UBE2D1: variants seen among roughly 807,000 people sequenced by gnomAD.
UBE2D1 encodes the protein ubiquitin-conjugating enzyme E2 D1.
A neutral mutation model predicts 24.6 loss-of-function variants in UBE2D1; 9 were observed. The ratio of observed to expected loss-of-function variants is 0.37; its 90% CI spans 0.22 to 0.64. The LOEUF (loss-of-function observed/expected upper bound fraction) is 0.64, where lower values mean the gene tolerates loss of function less well. Among genes scored for constraint, UBE2D1 ranks in the 30% least tolerant of loss-of-function variants. The probability of loss-of-function intolerance (pLI) is 0.64; values close to 1 mark genes in which losing one functional copy is unlikely to be tolerated. For missense variants in UBE2D1, 87 were observed against 177.1 expected, an observed-to-expected ratio of 0.49 and a Z score of 2.89; for synonymous variants, 57 against 57.6, an observed-to-expected ratio of 0.99 and a Z score of 0.04.
intron 1 of UBE2D1, among the ~76,000 whole-genome samples, chr10:58,359,718 T>G (rs1840173895): frequency 1.3e-5 from 2 of 152,220 alleles, no homozygotes; most frequent in South Asian, 4.1e-4. Context: ...TATGTCACCT[T>G]AACTATTCAC....
intron 1 of UBE2D1, among the ~76,000 whole-genome samples, chr10:58,335,796 G>C (rs938198223): frequency 1.3e-5 from 2 of 152,164 alleles, no homozygotes; most frequent in Non-Finnish European, 2.9e-5. Flanking sequence ...TCAGGAGAAG[G>C]CTCCTGCCCC....
Position 58,349,554 on chromosome 10 carries a change from T to G in UBE2D1, c.25-11784T>G, listed in dbSNP as rs1449163823. 2.0e-5 allele frequency among the ~76,000 whole-genome samples: 3 copies of G among 152,248 alleles called. No homozygotes were observed. In the East Asian group the frequency reaches 5.8e-4, roughly 29 times the overall value. On this transcript the variant is annotated intron_variant, in intron 1 of 6. Transcript: ENST00000373910. ...TTCATATACAGATTTATTACTAGTCTTATTATTTGATAGCCATCTTTTCCA... is the reference window on the plus strand; with the variant it reads ...TTCATATACAGATTTATTACTAGTCGTATTATTTGATAGCCATCTTTTCCA...
intron 1 of UBE2D1, among the ~76,000 whole-genome samples, chr10:58,347,659 T>G (rs34007991): frequency 2.0e-5 from 3 of 149,328 alleles, no homozygotes; most frequent in African/African-American, 7.4e-5. Context: ...TTTTTTTTTT[T>G]GCCCCGAGAC....
chr10:58,346,685 C>G (rs1016398337), intron 1 of UBE2D1, among the ~76,000 whole-genome samples: 2 of 152,068 alleles, frequency 1.3e-5, no homozygotes, highest in African/African-American at 2.4e-5. Context: ...GAAGTCACGT[C>G]TTGGAAGGTC....
Position 58,367,337 on chromosome 10 carries a change from G to A in UBE2D1, c.305-586G>A, listed in dbSNP as rs531825408. Among the ~76,000 whole-genome samples, 207 of 152,020 alleles carry A rather than the reference G, an allele frequency of 1.4e-3. 2 individuals carry two copies. The highest frequency in any genetic ancestry group is 4.8e-3 in the African/African-American group (200 of 41,464). ...TGTGTGTGTGTTAGTGTAGCTATTT[G>A]CATTAGAATTTTGACATACTGGAGT... On this transcript the variant is annotated intron_variant, in intron 5 of 6. Transcript: ENST00000373910.
chr10:58,362,450 A>G (rs181471146), intron 3 of UBE2D1, among the ~76,000 whole-genome samples: 2 of 152,344 alleles, frequency 1.3e-5, no homozygotes, highest in African/African-American at 2.4e-5. Flanking sequence ...ATGTATTTAT[A>G]TAACAACTTT....
chr10:58,355,968 G>T (rs1840126942), intron 1 of UBE2D1, among the ~76,000 whole-genome samples: 1 of 151,870 alleles, frequency 6.6e-6, no homozygotes, highest in South Asian at 2.1e-4. Flanking sequence ...CAGTACCTCA[G>T]TCTTTCTTTC....
intron 1 of UBE2D1, among the ~76,000 whole-genome samples, chr10:58,357,579 T>C (rs1840146171): frequency 6.6e-6 from 1 of 152,182 alleles, no homozygotes; most frequent in African/African-American, 2.4e-5. Context: ...CATTTTTCTT[T>C]TTTCAAATTT....
At chr10:58,355,506 A>C (rs1271741797) in intron 1 of UBE2D1, among the ~76,000 whole-genome samples, 1 of 152,202 alleles carries the variant, frequency 6.6e-6, no homozygotes, top group African/African-American at 2.4e-5. Flanking sequence ...AATATAGTAC[A>C]TCTGATTAAA....
intron 1 of UBE2D1, among the ~76,000 whole-genome samples, chr10:58,342,767 G>C (rs528314696): frequency 4.6e-5 from 7 of 150,826 alleles, no homozygotes; most frequent in African/African-American, 1.7e-4. Flanking sequence ...TATGGTCAGA[G>C]AACAAATTCT....
chr10:58,338,316 A>G (rs547923378), intron 1 of UBE2D1, among the ~76,000 whole-genome samples: 1 of 152,370 alleles, frequency 6.6e-6, no homozygotes, highest in South Asian at 2.1e-4. Context: ...AACTAACTAT[A>G]CTAGAATATA....
At position 58,361,531 on chromosome 10, in the gene UBE2D1, G is replaced by A; in HGVS notation, c.120+5G>A. On this transcript the variant is annotated splice_donor_5th_base_variant and intron_variant, in intron 3 of 6. Coordinates refer to ENST00000373910, the MANE Select transcript of UBE2D1 (RefSeq NM_003338.5). ...CAAGCCACTATTATGGGGCCTGTAAGTATGATTCATATCTATGAAATTAAC... is the reference window on the plus strand; with the variant it reads ...CAAGCCACTATTATGGGGCCTGTAAATATGATTCATATCTATGAAATTAAC... The A allele has an allele frequency of 6.2e-7, 1 of 1,614,012 alleles. No homozygotes were observed. The highest frequency in any genetic ancestry group is 8.5e-7 in the Non-Finnish European group (1 of 1,180,002).
chr10:58,355,586 T>C (rs1478906988), intron 1 of UBE2D1, among the ~76,000 whole-genome samples: 1 of 152,222 alleles, frequency 6.6e-6, no homozygotes, highest in East Asian at 1.9e-4. Flanking sequence ...GGTTGGCTTA[T>C]GTCCCATTAA....
chr10:58,337,428 G>A lies in UBE2D1; in HGVS notation c.24+2203G>A, dbSNP rs144367615. On this transcript the variant is annotated intron_variant, in intron 1 of 6. Coordinates refer to ENST00000373910, the MANE Select transcript of UBE2D1 (RefSeq NM_003338.5). ...TTCTAGGTTAGATGTGCCGCCTGCC[G>A]TATGAACAGTTACACCATCTTCTTT... Among the ~76,000 whole-genome samples, 58 of 152,172 alleles carry A rather than the reference G, an allele frequency of 3.8e-4. No homozygotes were observed. The East Asian group carries it at 9.1e-3, about 24-fold the overall frequency.
chr10:58,350,920 C>A (rs376435604), intron 1 of UBE2D1, among the ~76,000 whole-genome samples: 89 of 152,290 alleles, frequency 5.8e-4, no homozygotes, highest in African/African-American at 2.1e-3. Flanking sequence ...GAAACCTATA[C>A]AGCATGTTAC....
chr10:58,341,953 A>G (rs1411510205), intron 1 of UBE2D1, among the ~76,000 whole-genome samples: 1 of 152,166 alleles, frequency 6.6e-6, no homozygotes, highest in East Asian at 1.9e-4. Flanking sequence ...CCATATTTGC[A>G]GTTTGGGAAT....
chr10:58,339,896 T>C (rs190772442), intron 1 of UBE2D1, among the ~76,000 whole-genome samples: 1 of 152,292 alleles, frequency 6.6e-6, no homozygotes, highest in East Asian at 1.9e-4. Context: ...GATCCTTCTC[T>C]TCCACTTCTT....
At chr10:58,349,882 G>A (rs183068263) in intron 1 of UBE2D1, among the ~76,000 whole-genome samples, 15 of 152,188 alleles carry the variant, frequency 9.9e-5, no homozygotes, top group Admixed American at 4.6e-4. Flanking sequence ...GTTTTTGAAC[G>A]TTATTTAAGG....
chr10:58,335,277 G>A lies in UBE2D1; in HGVS notation c.24+52G>A, dbSNP rs550880264. ...TGCGGGGCAGCGGCCCCCTGCCCAC[G>A]CTGACTCGGCCAGTGGTCCCGAGAG... On this transcript the variant is annotated intron_variant, in intron 1 of 6. Transcript: ENST00000373910. 1.4e-4 allele frequency: 213 copies of A among 1,484,020 alleles called. 1 individual carries two copies. Among genetic ancestry groups the A allele is most frequent in the Non-Finnish European group, 1.9e-4 (208 of 1,119,172 alleles). The allele number at this position is 1,484,020 out of a possible 1,614,324, so 91.9% of individuals were successfully genotyped here.
Sources: gnomAD v4.1 joint callset for allele counts (sites outside exome capture counted in the v4.1 genomes callset) on GRCh38, gnomAD v4.1.1 for gene constraint, MANE v1.5 for transcripts, NCBI Gene and HGNC (gene_info 2026-07-23, HGNC 2026-07-21) for gene names.